SLC30A6: variants seen among roughly 807,000 people sequenced by gnomAD.
SLC30A6 encodes zinc transporter 6.
In SLC30A6, 55 loss-of-function variants were observed where a neutral mutation model predicts 63.0. The observed-to-expected ratio is 0.87, with a 90% CI of 0.70 to 1.09. The LOEUF (loss-of-function observed/expected upper bound fraction) is 1.09. Ranked by LOEUF, SLC30A6 falls within the 50% of genes least tolerant of loss-of-function variation. SLC30A6 has a pLI of 0.00. For missense variants in SLC30A6, 587 were observed against 549.2 expected (o/e 1.07, Z -0.69); for synonymous variants, 224 against 186.1 (o/e 1.20, Z -1.66).
intron 5 of SLC30A6, among the ~76,000 whole-genome samples, chr2:32,189,850 C>T (rs749201179): frequency 5.3e-5 from 8 of 151,932 alleles, no homozygotes; most frequent in Admixed American, 2.0e-4. Context: ...AAGCGATCCT[C>T]CCACACCCCG....
chr2:32,193,317 G>A (rs1683502536), intron 7 of SLC30A6, among the ~76,000 whole-genome samples: 1 of 152,090 alleles, frequency 6.6e-6, no homozygotes, highest in South Asian at 2.1e-4. Context: ...GGGATTCAGT[G>A]TAATCCCAGC....
intron 10 of SLC30A6, among the ~76,000 whole-genome samples, chr2:32,199,146 G>A (rs1684048942): frequency 6.6e-6 from 1 of 152,172 alleles, no homozygotes. Context: ...CATCTATGTT[G>A]TAACATGTCA....
chr2:32,187,077 C>A, intron 5 of SLC30A6: 1 of 416,156 alleles, frequency 2.4e-6, no homozygotes, highest in East Asian at 7.5e-5. Flanking sequence ...TTTATGTAAC[C>A]AAACTACTGT....
chr2:32,184,290 T>TCTA lies in SLC30A6; in HGVS notation c.236_237insCTA (p.Ile79_Ser80insTer). ...TTACTTAGTTTAATGACATGTTTAA[T>TCTA]AAGTTACTGGGTAACATTGAGGAAA... is the stretch of plus-strand genomic sequence containing the variant. On this transcript the variant is annotated stop_gained and inframe_insertion, in exon 5 of 14. Transcript: ENST00000282587. LOFTEE classifies it high-confidence loss of function. 6.5e-7 allele frequency: 1 copy of TCTA among 1,548,930 alleles called. No individual in the cohort carries two copies.
intron 13 of SLC30A6, among the ~76,000 whole-genome samples, chr2:32,216,475 G>C (rs1461307126): frequency 6.6e-6 from 1 of 151,968 alleles, no homozygotes; most frequent in Non-Finnish European, 1.5e-5. Context: ...GGTGGAGGTT[G>C]CTGTGAGCTG....
At chr2:32,194,556 C>T (rs1296912743) in intron 8 of SLC30A6, among the ~76,000 whole-genome samples, 1 of 152,006 alleles carries the variant, frequency 6.6e-6, no homozygotes, top group Non-Finnish European at 1.5e-5. Context: ...TTTTGGAATC[C>T]CACTAACCCA....
intron 2 of SLC30A6, 81 bp from the exon 3 acceptor site, chr2:32,173,982 G>A (rs1681470966): frequency 1.0e-6 from 1 of 994,030 alleles, no homozygotes; most frequent in Admixed American, 2.2e-5. Flanking sequence ...TTGAATATCA[G>A]AGTATAAATT....
intron 1 of SLC30A6, 105 bp downstream of exon 1, chr2:32,166,008 A>G: frequency 6.6e-7 from 1 of 1,521,114 alleles, no homozygotes; most frequent in South Asian, 1.1e-5. Flanking sequence ...AGGAGGGGTC[A>G]TTGGAGTTGA....
chr2:32,192,965 T>C lies in SLC30A6; in HGVS notation c.401+12T>C, dbSNP rs377238274. 2.6e-5 allele frequency: 39 copies of C among 1,485,982 alleles called. No homozygotes were observed. Among genetic ancestry groups the C allele is most frequent in the Middle Eastern group, 2.0e-4 (1 of 5,080 alleles). 92.0% of individuals were successfully genotyped at this position (1,485,982 alleles called of 1,614,324 possible). A position where few individuals can be genotyped will look rare whatever the true frequency, so the allele number is the denominator to read the frequency against. On this transcript the variant is annotated intron_variant, in intron 7 of 13. Transcript: ENST00000282587. ...CCCGAGATACACACGTGAGATTTTA[T>C]TTTCAATATATAATTTACTATTGAT...
intron 13 of SLC30A6, among the ~76,000 whole-genome samples, chr2:32,218,831 A>G (rs1305721113): frequency 1.3e-5 from 2 of 152,146 alleles, no homozygotes; most frequent in East Asian, 3.9e-4. Context: ...TGCTGGGATT[A>G]TAGGCATGAG....
intron 13 of SLC30A6, among the ~76,000 whole-genome samples, chr2:32,219,966 A>G (rs1458163292): frequency 6.6e-6 from 1 of 152,042 alleles, no homozygotes; most frequent in Non-Finnish European, 1.5e-5. Context: ...TCTTCCTTGT[A>G]TTATAATATT....
chr2:32,166,379 A>G (rs1373678339), intron 1 of SLC30A6, among the ~76,000 whole-genome samples: 2 of 152,150 alleles, frequency 1.3e-5, no homozygotes, highest in Non-Finnish European at 2.9e-5. Flanking sequence ...ACTAAATATT[A>G]AGTAGCCTGA....
intron 12 of SLC30A6, 122 bp downstream of exon 12, chr2:32,207,055 C>T (rs953660768): frequency 2.7e-6 from 2 of 739,844 alleles, no homozygotes; most frequent in Non-Finnish European, 4.6e-6. Context: ...ATGTTCTTCA[C>T]AATAACATAC....
At chr2:32,180,487 G>C (rs1682204545) in intron 4 of SLC30A6, among the ~76,000 whole-genome samples, 1 of 151,960 alleles carries the variant, frequency 6.6e-6, no homozygotes, top group Non-Finnish European at 1.5e-5. Flanking sequence ...AGAGTACAGT[G>C]GCACGATCTT....
chr2:32,209,580 G>C lies in SLC30A6; in HGVS notation c.885+19G>C, dbSNP rs756149061. On this transcript the variant is annotated intron_variant, in intron 13 of 13. Coordinates refer to ENST00000282587, the MANE Select transcript of SLC30A6 (RefSeq NM_017964.5). ...CTCATTGGTATGTTCTTTTACATAT[G>C]ACTTTAGTTATAATTTAAAATATAG... 1 of 1,565,488 alleles carries C rather than the reference G, an allele frequency of 6.4e-7. No homozygotes were observed. The highest frequency in any genetic ancestry group is 1.2e-5 in the South Asian group (1 of 84,652).
At chr2:32,210,526 A>C (rs1685168940) in intron 13 of SLC30A6, among the ~76,000 whole-genome samples, 1 of 151,282 alleles carries the variant, frequency 6.6e-6, no homozygotes, top group Admixed American at 6.6e-5. Context: ...AAAAAAAAAA[A>C]AAAAAAAAAA....
chr2:32,181,553 A>G (rs941782180), intron 4 of SLC30A6, among the ~76,000 whole-genome samples: 3 of 152,184 alleles, frequency 2.0e-5, no homozygotes, highest in African/African-American at 7.2e-5. Context: ...TTATTTACAA[A>G]GAAAAATTTT....
At chr2:32,167,914 G>A (rs1680826950) in intron 1 of SLC30A6, among the ~76,000 whole-genome samples, 1 of 152,198 alleles carries the variant, frequency 6.6e-6, no homozygotes, top group South Asian at 2.1e-4. Context: ...CGATGTTAAA[G>A]TTGTGTACTT....
chr2:32,212,894 ATTTTTTTTT>A (rs10522618), intron 13 of SLC30A6, among the ~76,000 whole-genome samples: 74,379 of 118,034 alleles, frequency 0.63, 22,459 homozygotes, highest in Admixed American at 0.68. Context: ...TGTGTCCAGC[ATTTTTTTTT>A]TTTTTTTTTT....
Sources: gnomAD v4.1 joint callset for allele counts (sites outside exome capture counted in the v4.1 genomes callset) on GRCh38, gnomAD v4.1.1 for gene constraint, MANE v1.5 for transcripts, NCBI Gene and HGNC (gene_info 2026-07-23, HGNC 2026-07-21) for gene names.